CAPN8: variants seen among roughly 807,000 people sequenced by gnomAD.
CAPN8 encodes calpain-8.
Under a neutral mutation model 80.9 loss-of-function variants are expected in CAPN8, and 87 were observed. The ratio of observed to expected loss-of-function variants is 1.07; its 90% CI spans 0.90 to 1.28. CAPN8 has a LOEUF of 1.28. Among genes scored for constraint, CAPN8 ranks in the 50% most tolerant of loss-of-function variants. The probability of loss-of-function intolerance (pLI) is 0.00; values close to 1 mark genes in which losing one functional copy is unlikely to be tolerated. For synonymous variants in CAPN8, 299 were observed against 273.8 expected, an observed-to-expected ratio of 1.09 and a Z score of -0.91; for missense variants, 757 against 702.0, an observed-to-expected ratio of 1.08 and a Z score of -0.89.
intron 2 of CAPN8, among the ~76,000 whole-genome samples, chr1:223,637,712 C>T (rs1427663584): frequency 6.6e-6 from 1 of 152,148 alleles, no homozygotes; most frequent in Non-Finnish European, 1.5e-5. Flanking sequence ...ATGTGCGGGG[C>T]CATCTGCAGG....
At chr1:223,544,453 A>G (rs972745130) in intron 18 of CAPN8, among the ~76,000 whole-genome samples, 2 of 152,090 alleles carry the variant, frequency 1.3e-5, no homozygotes, top group Non-Finnish European at 2.9e-5. Context: ...CAGCAAGCAA[A>G]AGCAGAGAAG....
intron 6 of CAPN8, among the ~76,000 whole-genome samples, chr1:223,623,892 C>T (rs916377505): frequency 2.0e-5 from 3 of 151,044 alleles, no homozygotes; most frequent in Non-Finnish European, 2.9e-5. Context: ...CCCAGCTACT[C>T]GGGAGGCTGA....
At chr1:223,632,060 A>G (rs1657788962) in intron 2 of CAPN8, among the ~76,000 whole-genome samples, 1 of 152,156 alleles carries the variant, frequency 6.6e-6, no homozygotes, top group South Asian at 2.1e-4. Flanking sequence ...GAGGTGGCCC[A>G]GCTGGAGGAG....
intron 10 of CAPN8, 83 bp from the exon 11 acceptor site, chr1:223,612,340 CA>C (rs1657050085): frequency 2.5e-6 from 3 of 1,194,826 alleles, no homozygotes; most frequent in Admixed American, 4.2e-5. Flanking sequence ...CTATGTCTTG[CA>C]AACAGACTGT....
intron 11 of CAPN8, among the ~76,000 whole-genome samples, chr1:223,610,461 G>A (rs1657004055): frequency 6.6e-6 from 1 of 152,210 alleles, no homozygotes; most frequent in African/African-American, 2.4e-5. Flanking sequence ...CAGAGAGGAT[G>A]TGACCAAGGC....
At position 223,541,668 on chromosome 1, in the gene CAPN8, C is replaced by T. The variant is rs780024966; in HGVS notation, c.*168G>A. ...TTTCCCTCCACTGGGCCCACCGGGT[C>T]GGCTTACATAGCTCATAGCTCAGTG... On this transcript the variant is annotated 3_prime_UTR_variant, in exon 21 of 21. Transcript: ENST00000366872. 7 of 989,042 alleles carry T rather than the reference C, an allele frequency of 7.1e-6. No individual in the cohort carries two copies. The highest frequency in any genetic ancestry group is 2.6e-5 in the East Asian group (1 of 37,994). The allele number at this position is 989,042 out of a possible 1,614,324, so 61.3% of individuals were successfully genotyped here.
rs760906337 is a variant in CAPN8 at position 223,620,264 on chromosome 1, G to A, written c.902C>T (p.Ala301Val). 9 of 1,551,244 alleles carry A rather than the reference G, an allele frequency of 5.8e-6. No individual in the cohort carries two copies. Among genetic ancestry groups the A allele is most frequent in the Non-Finnish European group, 7.8e-6 (9 of 1,146,748 alleles). ...VEWSGAWSDD[A>V]PEWNHIDPRR... The stretch of plus-strand genomic sequence containing the variant: ...GGGGTCTATGTGATTCCACTCTGGT[G>A]CACTGAGGGGAAAACAAGCAGAGAT... The change falls in exon 8 of 21, where the codon GCA (alanine) becomes GTA (valine). Residue 301 changes from alanine (A) to valine (V), a missense_variant and splice_region_variant. By Grantham distance (64) the Ala-to-Val change is moderately conservative. Coordinates refer to ENST00000366872, the MANE Select transcript of CAPN8 (RefSeq NM_001143962.2).
chr1:223,637,985 C>T (rs778291951), intron 2 of CAPN8, among the ~76,000 whole-genome samples: 1 of 152,098 alleles, frequency 6.6e-6, no homozygotes, highest in South Asian at 2.1e-4. Context: ...TTGTAACAAG[C>T]GAAATGTTTA....
At chr1:223,627,969 A>G in intron 4 of CAPN8, 40 bp downstream of exon 4, 1 of 1,491,134 alleles carries the variant, frequency 6.7e-7, no homozygotes, top group Non-Finnish European at 9.0e-7. Flanking sequence ...GCTTTCAGGG[A>G]GGCTCTGGCG....
intron 9 of CAPN8, among the ~76,000 whole-genome samples, 170 bp downstream of exon 9, chr1:223,619,123 G>A (rs1657296941): frequency 6.6e-6 from 1 of 152,200 alleles, no homozygotes; most frequent in African/African-American, 2.4e-5. Flanking sequence ...GAGCCCGGGA[G>A]GCGGAGGTTG....
chr1:223,554,597 A>AG (rs1656865255), intron 13 of CAPN8, among the ~76,000 whole-genome samples: 1 of 152,140 alleles, frequency 6.6e-6, no homozygotes, highest in Admixed American at 6.5e-5. Flanking sequence ...CAGAAAAAAA[A>AG]AACATTTTCT....
chr1:223,655,834 G>A (rs1430055474), intron 1 of CAPN8, among the ~76,000 whole-genome samples: 1 of 152,166 alleles, frequency 6.6e-6, no homozygotes, highest in African/African-American at 2.4e-5. Context: ...AGGGGAAAAG[G>A]GCAGGACCTC....
chr1:223,663,942 T>C lies in CAPN8; in HGVS notation c.237+1468A>G, dbSNP rs1014581960. 3.3e-5 allele frequency among the ~76,000 whole-genome samples: 5 copies of C among 152,238 alleles called. No individual in the cohort carries two copies. The South Asian group carries it at 8.3e-4, about 25-fold the overall frequency. ...CAAGAAAATAGGAACCCTGACTTAA[T>C]TTCCCTATCATGGTTTAGAAGACAA... On this transcript the variant is annotated intron_variant, in intron 1 of 20. Transcript: ENST00000366872.
rs138175821 is a variant in CAPN8, at chr1:223,621,575, C to T, written c.899+1240G>A. Among the ~76,000 whole-genome samples, 4 of 152,198 alleles carry T rather than the reference C, an allele frequency of 2.6e-5. No homozygotes were observed. The East Asian group carries it at 7.7e-4, about 29-fold the overall frequency. ...GGCGGAACTGAGGTTTTGGGTTTTG[C>T]TCAATCTTACACAGTAGAATGAAAA... is the stretch of plus-strand genomic sequence containing the variant. On this transcript the variant is annotated intron_variant, in intron 7 of 20. Transcript: ENST00000366872.
chr1:223,611,360 C>T (rs533687472), intron 11 of CAPN8, among the ~76,000 whole-genome samples: 1 of 152,360 alleles, frequency 6.6e-6, no homozygotes, highest in South Asian at 2.1e-4. Context: ...CCAGAAGTTA[C>T]TGCCCCTTTC....
At chr1:223,619,537 C>A (rs34693465) in intron 8 of CAPN8, 84 bp from the exon 9 acceptor site, 2 of 1,450,992 alleles carry the variant, frequency 1.4e-6, no homozygotes, top group South Asian at 1.3e-5. Context: ...GGAAGGAGCC[C>A]TGTGGCACAG....
intron 15 of CAPN8, chr1:223,549,666 C>T: frequency 3.7e-6 from 2 of 538,678 alleles, no homozygotes; most frequent in South Asian, 2.0e-5. Flanking sequence ...TATCTTTGAG[C>T]TTTAATTTCC....
Position 223,628,711 on chromosome 1 carries a change from G to A in CAPN8, c.377C>T (p.Pro126Leu). Residue 126 changes from proline (P) to leucine (L), a missense_variant, in exon 3 of 21, where the codon CCC (proline) becomes CTC (leucine). Transcript: ENST00000366872. ...GTTCTCCTGGAAGTCCTGGTCCCTG[G>A]GGACCACCCGGTAAAGCAGCTCTTC... ...LNEELLYRVV[P>L]RDQDFQENYA... is the part of the protein sequence containing the mutation. 1 of 1,551,898 alleles carries A rather than the reference G, an allele frequency of 6.4e-7. No individual in the cohort carries two copies. Among genetic ancestry groups the A allele is most frequent in the African/African-American group, 1.4e-5 (1 of 73,170 alleles).
intron 2 of CAPN8, among the ~76,000 whole-genome samples, chr1:223,633,044 G>A (rs756611330): frequency 3.3e-5 from 5 of 152,244 alleles, no homozygotes; most frequent in Non-Finnish European, 5.9e-5. Flanking sequence ...GTGCAGAGCA[G>A]AGCACAGTGT....
Sources: allele counts gnomAD v4.1 joint callset (sites outside exome capture counted in the v4.1 genomes callset), GRCh38; gene constraint gnomAD v4.1.1; transcripts MANE v1.5; gene names NCBI Gene and HGNC (gene_info 2026-07-23, HGNC 2026-07-21).